ITIH5: variants seen among roughly 807,000 people sequenced by gnomAD.
ITIH5 encodes inter-alpha-trypsin inhibitor heavy chain 5, also known as inter-alpha-trypsin inhibitor heavy chain H5.
In ITIH5, 65 loss-of-function variants were observed where a neutral mutation model predicts 77.5. That is an observed-to-expected ratio of 0.84 (90% CI 0.69 to 1.03). ITIH5 has a LOEUF of 1.03. Ranked by LOEUF, ITIH5 falls within the 50% of genes least tolerant of loss-of-function variation. ITIH5 has a pLI of 0.00. For synonymous variants in ITIH5, 525 were observed against 494.3 expected, an observed-to-expected ratio of 1.06 and a Z score of -0.82; for missense variants, 1,208 against 1,213.1, an observed-to-expected ratio of 1.00 and a Z score of 0.06.
At chr10:7,665,781 C>G (rs1834351959) in intron 1 of ITIH5, among the ~76,000 whole-genome samples, 1 of 152,220 alleles carries the variant, frequency 6.6e-6, no homozygotes, top group Non-Finnish European at 1.5e-5. Context: ...GTCTCTGCAT[C>G]CAAAGCCTGC....
chr10:7,637,067 C>G (rs182796851), intron 5 of ITIH5, among the ~76,000 whole-genome samples, 161 bp downstream of exon 5: 1 of 152,230 alleles, frequency 6.6e-6, no homozygotes, highest in Admixed American at 6.5e-5. Context: ...AAAAAAAGTA[C>G]CAGTTGCTGT....
chr10:7,624,399 C>T lies in ITIH5; in HGVS notation c.653-7117G>A, dbSNP rs1020775351. On this transcript the variant is annotated intron_variant, in intron 5 of 13. Transcript: ENST00000397146. Reference sequence around the variant, plus strand: ...GCGCATGCCTGTAATCCTAGATACTCGGGAGGCTGAGGCAGGAGAATCACT... The same window carrying T: ...GCGCATGCCTGTAATCCTAGATACTTGGGAGGCTGAGGCAGGAGAATCACT... 5.9e-5 allele frequency among the ~76,000 whole-genome samples: 9 copies of T among 151,958 alleles called. No homozygotes were observed. In the South Asian group the frequency reaches 1.0e-3, roughly 18 times the overall value.
chr10:7,601,390 A>G (rs1002389175), intron 7 of ITIH5, among the ~76,000 whole-genome samples: 2 of 152,190 alleles, frequency 1.3e-5, no homozygotes, highest in African/African-American at 4.8e-5. Context: ...GTCCTCACAG[A>G]AGCAAATCTT....
At chr10:7,619,977 G>A (rs1044097040) in intron 5 of ITIH5, 5 of 152,346 alleles carry the variant, frequency 3.3e-5, no homozygotes, top group Non-Finnish European at 7.3e-5. Flanking sequence ...AGGAGTTTGA[G>A]ATCAGCCTGG....
chr10:7,666,673 G>A, intron 1 of ITIH5, 130 bp downstream of exon 1: 1 of 644,552 alleles, frequency 1.6e-6, no homozygotes, highest in East Asian at 3.1e-5. Context: ...CCCACAGAGA[G>A]GGACCCCTGG....
intron 5 of ITIH5, among the ~76,000 whole-genome samples, chr10:7,628,738 CGT>C (rs749544603): frequency 0.067 from 7,886 of 116,922 alleles, 537 homozygotes; most frequent in Non-Finnish European, 0.1. Context: ...CATGTTGCAG[CGT>C]GTGTCCATGT....
At chr10:7,584,586 T>C (rs1308711124) in intron 8 of ITIH5, among the ~76,000 whole-genome samples, 3 of 152,112 alleles carry the variant, frequency 2.0e-5, no homozygotes, top group Admixed American at 1.3e-4. Flanking sequence ...ATTACAAGTG[T>C]GAGCCACCCC....
At chr10:7,631,847 C>CA (rs140556529) in intron 5 of ITIH5, among the ~76,000 whole-genome samples, 32,204 of 151,452 alleles carry the variant, frequency 0.21, 4,646 homozygotes, top group African/African-American at 0.41. Context: ...AGTGCAATGG[C>CA]AAAATCTCAG....
rs771640525 is a variant in ITIH5 at position 7,566,344 on chromosome 10, C to T, written c.2213G>A (p.Arg738His). The T allele has an allele frequency of 1.6e-5, 26 of 1,609,338 alleles. No homozygotes were observed. The highest frequency in any genetic ancestry group is 8.8e-5 in the South Asian group (8 of 90,984). Residue 738 changes from arginine (R) to histidine (H), a missense_variant, in exon 13 of 14, where the codon CGC becomes CAC. Coordinates refer to ENST00000397146, the MANE Select transcript of ITIH5 (RefSeq NM_030569.7). ...PAPPNGHKKQRTYLRTITILI... is the reference protein window; with the variant it reads ...PAPPNGHKKQHTYLRTITILI... The stretch of plus-strand genomic sequence containing the variant: ...GATGGTGATAGTGCGCAAGTAAGTG[C>T]GCTGTTTCTTGTGGCCATTTGGAGG...
At chr10:7,565,068 C>CTA (rs1401297426) in intron 13 of ITIH5, among the ~76,000 whole-genome samples, 1 of 28,150 alleles carries the variant, frequency 3.6e-5, no homozygotes, top group Non-Finnish European at 9.9e-5. Flanking sequence ...CACACATAGA[C>CTA]TGTATATATA....
chr10:7,624,904 CATATATAT>C (rs35403005), intron 5 of ITIH5, among the ~76,000 whole-genome samples: 1 of 113,126 alleles, frequency 8.8e-6, no homozygotes, highest in African/African-American at 3.4e-5. Context: ...TATATACATA[CATATATAT>C]ATATATATAT....
intron 7 of ITIH5, among the ~76,000 whole-genome samples, chr10:7,604,873 G>A (rs1252093162): frequency 2.0e-5 from 3 of 152,022 alleles, no homozygotes; most frequent in African/African-American, 7.2e-5. Context: ...CCAGGCTGGA[G>A]TGCAGTGGTG....
chr10:7,573,040 A>C lies in ITIH5; in HGVS notation c.2032+102T>G, dbSNP rs150639849. 1,287 of 1,114,652 alleles carry C rather than the reference A, an allele frequency of 1.2e-3. 12 individuals are homozygous for C. In the African/African-American group the frequency reaches 0.018, roughly 16 times the overall value. 69.0% of individuals were successfully genotyped at this position (1,114,652 alleles called of 1,614,324 possible). A position where few individuals can be genotyped will look rare whatever the true frequency, so the allele number is the denominator to read the frequency against. ...CAATACACCCACCTCGGCCTCCCAA[A>C]GTGCTGGGATTACAGGCGTGAGCCA... is the stretch of plus-strand genomic sequence containing the variant. On this transcript the variant is annotated intron_variant, in intron 11 of 13. Coordinates refer to ENST00000397146, the MANE Select transcript of ITIH5 (RefSeq NM_030569.7).
chr10:7,571,287 G>C (rs570869912), intron 11 of ITIH5: 1 of 152,260 alleles, frequency 6.6e-6, no homozygotes, highest in East Asian at 1.9e-4. Flanking sequence ...GGTGTCCATG[G>C]GGGATTAGTT....
chr10:7,617,267 G>A lies in ITIH5; in HGVS notation c.668C>T (p.Pro223Leu). ...SGRGEDDSGP[P>L]PSTVINQNET... ...ATTTTGGTTAATGACAGTAGATGGG[G>A]GAGGCCCAGAATCATCTGCAAACAA... is the stretch of plus-strand genomic sequence containing the variant. The change falls in exon 6 of 14, where the codon CCC becomes CTC. Residue 223 changes from proline to leucine, a missense_variant. Coordinates refer to ENST00000397146, the MANE Select transcript of ITIH5 (RefSeq NM_030569.7). 1.3e-6 allele frequency: 2 copies of A among 1,577,790 alleles called. No homozygotes were observed. The highest frequency in any genetic ancestry group is 2.3e-5 in the East Asian group (1 of 42,916).
At chr10:7,647,281 C>A (rs1834021708) in intron 2 of ITIH5, among the ~76,000 whole-genome samples, 1 of 152,230 alleles carries the variant, frequency 6.6e-6, no homozygotes, top group African/African-American at 2.4e-5. Flanking sequence ...CACATCCATT[C>A]ATTTACATAC....
chr10:7,587,014 G>C (rs1269800611), intron 7 of ITIH5, among the ~76,000 whole-genome samples: 3 of 152,138 alleles, frequency 2.0e-5, no homozygotes, highest in Non-Finnish European at 4.4e-5. Flanking sequence ...TACTTTAGTA[G>C]AGACAGGGTT....
At chr10:7,588,608 T>G (rs1832729376) in intron 7 of ITIH5, among the ~76,000 whole-genome samples, 2 of 152,254 alleles carry the variant, frequency 1.3e-5, no homozygotes, top group African/African-American at 4.8e-5. Context: ...TTCGCCTAAC[T>G]TTCTCCCCGT....
chr10:7,609,100 T>G (rs1474405469), intron 7 of ITIH5, among the ~76,000 whole-genome samples: 2 of 152,230 alleles, frequency 1.3e-5, no homozygotes, highest in Non-Finnish European at 2.9e-5. Context: ...CTTATAACTT[T>G]GTGTATTTCA....
Sources: gnomAD v4.1 joint callset for allele counts (sites outside exome capture counted in the v4.1 genomes callset) on GRCh38, gnomAD v4.1.1 for gene constraint, MANE v1.5 for transcripts, NCBI Gene and HGNC (gene_info 2026-07-23, HGNC 2026-07-21) for gene names.